The following DENND5B variants were observed in gnomAD, a reference collection of about 807,000 sequenced individuals.
DENND5B encodes DENN domain containing 5B, also known as DENN domain-containing protein 5B.
A neutral mutation model predicts 140.6 loss-of-function variants in DENND5B; 34 were observed. The ratio of observed to expected loss-of-function variants is 0.24; its 90% CI spans 0.18 to 0.32. The LOEUF is 0.32. Ranked by LOEUF, DENND5B falls within the 10% of genes least tolerant of loss-of-function variation. The pLI, the probability that DENND5B is intolerant of heterozygous loss-of-function variation, is 1.00. For synonymous variants in DENND5B, 551 were observed against 562.1 expected (o/e 0.98, Z 0.28); for missense variants, 1,142 against 1,560.2 (o/e 0.73, Z 4.52).
intron 4 of DENND5B, among the ~76,000 whole-genome samples, chr12:31,459,500 G>C (rs2138232396): frequency 6.6e-6 from 1 of 152,182 alleles, no homozygotes; most frequent in Non-Finnish European, 1.5e-5. Flanking sequence ...ATGTTAGCCA[G>C]GATGGTCTGG....
At position 31,590,779 on chromosome 12, in the gene DENND5B, G is replaced by A; in HGVS notation, c.54C>T (p.Ala18=). Residue 18 remains alanine, a synonymous_variant, in exon 1 of 21, where the codon GCC becomes GCT. Coordinates refer to ENST00000389082, the MANE Select transcript of DENND5B (RefSeq NM_144973.4). ...GCACGAAGTAGTGCGCGAAGCGGCA[G>A]GCGGCCGGGGAGGAGCCCGAGCCCG... ...PGPGSGSSPA[A]CRFAHYFVLC... is the part of the protein sequence containing the mutation. 7.2e-7 allele frequency: 1 copy of A among 1,381,302 alleles called. No homozygotes were observed. The highest frequency in any genetic ancestry group is 9.4e-7 in the Non-Finnish European group (1 of 1,066,228). The allele number at this position is 1,381,302 out of a possible 1,614,324, so 85.6% of individuals were successfully genotyped here.
intron 1 of DENND5B, among the ~76,000 whole-genome samples, chr12:31,523,365 T>C (rs565988535): frequency 3.3e-5 from 5 of 152,184 alleles, no homozygotes; most frequent in Admixed American, 2.6e-4. Flanking sequence ...ACCTGGCCTA[T>C]TCTTGCAATT....
At chr12:31,423,114 C>T (rs7314739) in intron 11 of DENND5B, among the ~76,000 whole-genome samples, 58,167 of 151,538 alleles carry the variant, frequency 0.38, 12,014 homozygotes, top group East Asian at 0.57. Flanking sequence ...GTAATTTTTG[C>T]ATTTTTTGTA....
In DENND5B at chr12:31,460,298, G is replaced by C. The variant is rs1158943978; in HGVS notation, c.988C>G (p.Leu330Val). 6.2e-7 allele frequency: 1 copy of C among 1,613,824 alleles called. No individual in the cohort carries two copies. Among genetic ancestry groups the C allele is most frequent in the African/African-American group, 1.3e-5 (1 of 74,900 alleles). Residue 330 changes from leucine to valine, a missense_variant, in exon 4 of 21, where the codon CTA becomes GTA. Around this residue, in one of 5 missense-constraint regions of DENND5B, gnomAD observed 708 missense variants for 905.5 expected, o/e 0.78. Transcript: ENST00000389082. The stretch of plus-strand genomic sequence containing the variant: ...AGAAAATGTAGCAGAGAAGCAGGTA[G>C]AATGGGCACATAAACATGTTGCCAT... ...FQWQHVYVPILPASLLHFLDA... is the reference protein window; with the variant it reads ...FQWQHVYVPIVPASLLHFLDA...
intron 3 of DENND5B, among the ~76,000 whole-genome samples, chr12:31,472,896 C>T (rs1945625604): frequency 6.6e-6 from 1 of 151,980 alleles, no homozygotes; most frequent in Admixed American, 6.6e-5. Context: ...TTCTGGGACT[C>T]ATTTGAGAGC....
At chr12:31,407,524 C>T (rs896294030) in intron 14 of DENND5B, among the ~76,000 whole-genome samples, 1 of 152,220 alleles carries the variant, frequency 6.6e-6, no homozygotes, top group Non-Finnish European at 1.5e-5. Flanking sequence ...ATGGCCTAAT[C>T]CCCATTCCAA....
chr12:31,421,716 A>AT (rs1305874484), intron 11 of DENND5B, among the ~76,000 whole-genome samples: 2 of 151,748 alleles, frequency 1.3e-5, no homozygotes, highest in Non-Finnish European at 2.9e-5. Flanking sequence ...TGCCCGGCTA[A>AT]TTTTTTTTAA....
chr12:31,581,671 C>CAACA (rs1950212219), intron 1 of DENND5B, among the ~76,000 whole-genome samples: 1 of 112,896 alleles, frequency 8.9e-6, no homozygotes, highest in South Asian at 2.9e-4. Flanking sequence ...CCAGCCTGGG[C>CAACA]AACAACAGGG....
At chr12:31,455,721 A>G (rs899902783) in intron 4 of DENND5B, among the ~76,000 whole-genome samples, 5 of 152,192 alleles carry the variant, frequency 3.3e-5, no homozygotes, top group Non-Finnish European at 7.3e-5. Flanking sequence ...ACTACTTCCT[A>G]TTAAAAACAA....
intron 11 of DENND5B, among the ~76,000 whole-genome samples, chr12:31,419,070 A>C (rs988770389): frequency 5.9e-5 from 9 of 152,226 alleles, no homozygotes; most frequent in Admixed American, 1.3e-4. Context: ...ATTAGGGGTT[A>C]GGAAATGGAA....
At chr12:31,575,899 G>A (rs941296140) in intron 1 of DENND5B, among the ~76,000 whole-genome samples, 1 of 152,104 alleles carries the variant, frequency 6.6e-6, no homozygotes, top group Non-Finnish European at 1.5e-5. Flanking sequence ...ACGGGAGGCG[G>A]AGGTTGCAGT....
chr12:31,521,262 T>C (rs1365404701), intron 1 of DENND5B, among the ~76,000 whole-genome samples: 2 of 152,172 alleles, frequency 1.3e-5, no homozygotes, highest in Non-Finnish European at 2.9e-5. Context: ...AATTCCACTG[T>C]ACATTCTGTG....
chr12:31,554,912 G>C (rs1368866792), intron 1 of DENND5B, among the ~76,000 whole-genome samples: 1 of 152,136 alleles, frequency 6.6e-6, no homozygotes, highest in East Asian at 1.9e-4. Flanking sequence ...GCTCCATCAG[G>C]TCCTTTAAGG....
rs13377701 is a variant in DENND5B at position 31,466,461 on chromosome 12, G to A, written c.905-6080C>T. ...TAATCCCAGCACTCTGGGAGGCCAC[G>A]GCGCGTGGATCACTTGAGGTTAGGA... On this transcript the variant is annotated intron_variant, in intron 3 of 20. Coordinates refer to ENST00000389082, the MANE Select transcript of DENND5B (RefSeq NM_144973.4). 4.8e-3 allele frequency among the ~76,000 whole-genome samples: 726 copies of A among 152,062 alleles called. 2 individuals carry two copies. Among genetic ancestry groups the A allele is most frequent in the African/African-American group, 0.016 (648 of 41,486 alleles).
intron 6 of DENND5B, among the ~76,000 whole-genome samples, chr12:31,443,414 T>A (rs2137995861): frequency 6.6e-6 from 1 of 152,306 alleles, no homozygotes; most frequent in Admixed American, 6.5e-5. Context: ...GAAATTAGTA[T>A]AATGTAAGTA....
intron 3 of DENND5B, among the ~76,000 whole-genome samples, chr12:31,470,150 T>G (rs1024689912): frequency 6.7e-6 from 1 of 148,248 alleles, no homozygotes; most frequent in African/African-American, 2.5e-5. Context: ...GAGTTTCCCT[T>G]GTTACCCAGG....
intron 3 of DENND5B, among the ~76,000 whole-genome samples, chr12:31,472,261 T>C (rs900120751): frequency 1.3e-5 from 2 of 152,130 alleles, no homozygotes; most frequent in Non-Finnish European, 2.9e-5. Flanking sequence ...TATTAAGAAA[T>C]AGGGTGAATA....
At chr12:31,510,762 T>A (rs1313836770) in intron 1 of DENND5B, among the ~76,000 whole-genome samples, 1 of 152,202 alleles carries the variant, frequency 6.6e-6, no homozygotes, top group Non-Finnish European at 1.5e-5. Flanking sequence ...ACTCTCCCTA[T>A]TTTAGGGTCA....
intron 6 of DENND5B, among the ~76,000 whole-genome samples, chr12:31,443,381 TAG>T (rs1944131308): frequency 2.0e-5 from 3 of 152,172 alleles, no homozygotes; most frequent in Non-Finnish European, 4.4e-5. Context: ...GGTCTTGAAA[TAG>T]ATTTTTACAA....
Sources: allele counts gnomAD v4.1 joint callset (sites outside exome capture counted in the v4.1 genomes callset), GRCh38; gene constraint gnomAD v4.1.1; regional missense constraint gnomAD v4.1.1; transcripts MANE v1.5; gene names NCBI Gene and HGNC (gene_info 2026-07-23, HGNC 2026-07-21).